DLGAP2: variants seen among roughly 807,000 people sequenced by gnomAD.
DLGAP2 encodes disks large-associated protein 2.
Under a neutral mutation model 100.3 loss-of-function variants are expected in DLGAP2, and 26 were observed. That is an observed-to-expected ratio of 0.26 (90% CI 0.19 to 0.36). The LOEUF (loss-of-function observed/expected upper bound fraction) is 0.36, where lower values mean the gene tolerates loss of function less well. Ranked by LOEUF, DLGAP2 falls within the 10% of genes least tolerant of loss-of-function variation. DLGAP2 has a pLI of 1.00. For missense variants in DLGAP2, 1,858 were observed against 1,453.2 expected (o/e 1.28, Z -4.53); for synonymous variants, 886 against 630.1 (o/e 1.41, Z -6.08).
intron 5 of DLGAP2, among the ~76,000 whole-genome samples, chr8:1,555,005 T>C (rs1409794169): frequency 2.6e-5 from 4 of 152,218 alleles, no homozygotes. Context: ...CTGGCCAGCC[T>C]GGCTGTGCTC....
At chr8:1,343,193 G>A (rs966787514) in intron 3 of DLGAP2, among the ~76,000 whole-genome samples, 1 of 152,172 alleles carries the variant, frequency 6.6e-6, no homozygotes, top group Non-Finnish European at 1.5e-5. Flanking sequence ...AGTGTGCATG[G>A]TTATGGTCTA....
chr8:770,958 G>C (rs1489409959), intron 1 of DLGAP2, among the ~76,000 whole-genome samples: 1 of 151,682 alleles, frequency 6.6e-6, no homozygotes, highest in Non-Finnish European at 1.5e-5. Context: ...GGTCTTCTTA[G>C]TGTAAACAGG....
chr8:1,206,167 C>A (rs1353300764), intron 2 of DLGAP2, among the ~76,000 whole-genome samples: 2 of 152,166 alleles, frequency 1.3e-5, no homozygotes, highest in Non-Finnish European at 2.9e-5. Flanking sequence ...AGGGAAGGCG[C>A]TGTGAGAAGG....
chr8:761,649 C>G (rs140719038), intron 1 of DLGAP2, among the ~76,000 whole-genome samples: 1 of 152,232 alleles, frequency 6.6e-6, no homozygotes. Flanking sequence ...AAAGCAGAGA[C>G]ATCAGCAACC....
rs546169030 is a variant in DLGAP2, at chr8:825,924, T to C, written c.19-81988T>C. 5.3e-5 allele frequency among the ~76,000 whole-genome samples: 8 copies of C among 152,368 alleles called. No homozygotes were observed. The South Asian group carries it at 1.2e-3, about 24-fold the overall frequency. ...GTAGTCACCCTGATGTGGCATCAAATACTAGATTGTATTCATTCTATCTGA... is the reference window on the plus strand; with the variant it reads ...GTAGTCACCCTGATGTGGCATCAAACACTAGATTGTATTCATTCTATCTGA... On this transcript the variant is annotated intron_variant, in intron 1 of 14. Transcript: ENST00000637795.
At position 1,503,060 on chromosome 8, in the gene DLGAP2, G is replaced by T. The variant is rs1799779986; in HGVS notation, c.172+1629G>T. Among the ~76,000 whole-genome samples, 3 of 152,318 alleles carry T rather than the reference G, an allele frequency of 2.0e-5. No individual in the cohort carries two copies. In the South Asian group the frequency reaches 6.2e-4, roughly 32 times the overall value. On this transcript the variant is annotated intron_variant, in intron 4 of 14. Transcript: ENST00000637795. ...TTGTTTGTTCTGCAGCCACACAAGTGAGCATCGAGGGATGAGGCTGGGGGG... is the reference window on the plus strand; with the variant it reads ...TTGTTTGTTCTGCAGCCACACAAGTTAGCATCGAGGGATGAGGCTGGGGGG...
At chr8:1,356,605 A>G (rs540758911) in intron 3 of DLGAP2, among the ~76,000 whole-genome samples, 100 of 152,304 alleles carry the variant, frequency 6.6e-4, no homozygotes, top group African/African-American at 2.3e-3. Flanking sequence ...GGAGATGCGC[A>G]GGAATGGCAA....
At chr8:1,077,219 C>G (rs982148743) in intron 2 of DLGAP2, among the ~76,000 whole-genome samples, 2 of 152,202 alleles carry the variant, frequency 1.3e-5, no homozygotes, top group African/African-American at 4.8e-5. Context: ...GGGCAGGATC[C>G]TCCACTCCAG....
At chr8:1,409,713 C>G (rs13265013) in intron 3 of DLGAP2, among the ~76,000 whole-genome samples, 53,168 of 151,720 alleles carry the variant, frequency 0.35, 9,884 homozygotes, top group East Asian at 0.65. Context: ...GCAGGTGGGC[C>G]TCCCCCAGTC....
At position 1,197,445 on chromosome 8, in the gene DLGAP2, C is replaced by G. The variant is rs559222688; in HGVS notation, c.74-61406C>G. On this transcript the variant is annotated intron_variant, in intron 2 of 14. Transcript: ENST00000637795. The stretch of plus-strand genomic sequence containing the variant: ...GATAGAAAATGCTGTAGAAAAAGGG[C>G]TACTTCATAGCCCAGGGTCAAGCAC... 2.6e-5 allele frequency among the ~76,000 whole-genome samples: 4 copies of G among 152,344 alleles called. No homozygotes were observed. The East Asian group carries it at 7.7e-4, about 29-fold the overall frequency.
At chr8:1,409,683 A>G (rs780726119) in intron 3 of DLGAP2, among the ~76,000 whole-genome samples, 3 of 152,180 alleles carry the variant, frequency 2.0e-5, no homozygotes, top group Non-Finnish European at 4.4e-5. Flanking sequence ...GGGAATGAGT[A>G]AAGCAGACCC....
chr8:997,991 G>A (rs1005628265), intron 2 of DLGAP2, among the ~76,000 whole-genome samples: 1 of 144,634 alleles, frequency 6.9e-6, no homozygotes, highest in East Asian at 2.0e-4. Flanking sequence ...GCACAAACAC[G>A]TGCACACAAA....
chr8:1,137,532 T>G (rs62486833), intron 2 of DLGAP2: 18,633 of 152,188 alleles, frequency 0.12, 1,228 homozygotes, highest in East Asian at 0.23. Context: ...CGAAAATGTT[T>G]AATTGACTAC....
chr8:1,683,892 G>GTA (rs1232517474), intron 12 of DLGAP2, among the ~76,000 whole-genome samples: 2 of 103,256 alleles, frequency 1.9e-5, no homozygotes, highest in African/African-American at 4.1e-5. Context: ...GTGTGTGTGT[G>GTA]TGTGTATACA....
At chr8:948,648 G>C (rs1476647733) in intron 2 of DLGAP2, among the ~76,000 whole-genome samples, 2 of 152,244 alleles carry the variant, frequency 1.3e-5, no homozygotes. Flanking sequence ...GAGCCAGGCC[G>C]GGGTTGCAGT....
At chr8:1,490,320 G>A (rs1169921248) in intron 3 of DLGAP2, among the ~76,000 whole-genome samples, 1 of 152,208 alleles carries the variant, frequency 6.6e-6, no homozygotes, top group Non-Finnish European at 1.5e-5. Context: ...CTTACGTGCG[G>A]GGTTGAAAAG....
intron 6 of DLGAP2, among the ~76,000 whole-genome samples, chr8:1,575,865 C>T (rs1342326493): frequency 6.6e-6 from 1 of 151,918 alleles, no homozygotes; most frequent in African/African-American, 2.4e-5. Flanking sequence ...TCCAGTCTAT[C>T]ATTGATGGAC....
At chr8:1,425,611 C>T (rs551376913) in intron 3 of DLGAP2, among the ~76,000 whole-genome samples, 8 of 152,302 alleles carry the variant, frequency 5.3e-5, no homozygotes, top group South Asian at 2.1e-4. Flanking sequence ...ACAGCCTGGG[C>T]GCATGATCCA....
chr8:1,309,586 A>C (rs1800566250), intron 3 of DLGAP2, among the ~76,000 whole-genome samples: 1 of 152,224 alleles, frequency 6.6e-6, no homozygotes. Context: ...TGCGAAAGGG[A>C]ACCTTGCAGA....
Sources: allele counts gnomAD v4.1 joint callset (sites outside exome capture counted in the v4.1 genomes callset), GRCh38; gene constraint gnomAD v4.1.1; transcripts MANE v1.5; gene names NCBI Gene and HGNC (gene_info 2026-07-23, HGNC 2026-07-21).